Variants in LHFPL4 observed in about 807,000 individuals in gnomAD.
LHFPL4 encodes LHFPL tetraspan subfamily member 4, also known as LHFPL tetraspan subfamily member 4 protein.
In LHFPL4, 6 loss-of-function variants were observed where a neutral mutation model predicts 20.0. The observed-to-expected ratio is 0.30, with a 90% CI of 0.16 to 0.59. The LOEUF (loss-of-function observed/expected upper bound fraction) is 0.59. Among genes scored for constraint, LHFPL4 ranks in the 20% least tolerant of loss-of-function variants. The probability of loss-of-function intolerance (pLI) is 0.88; values close to 1 mark genes in which losing one functional copy is unlikely to be tolerated. For synonymous variants in LHFPL4, 129 were observed against 143.8 expected (o/e 0.90, Z 0.74); for missense variants, 215 against 331.2 (o/e 0.65, Z 2.72).
intron 2 of LHFPL4, among the ~76,000 whole-genome samples, chr3:9,519,670 C>T (rs1054179083): frequency 1.3e-5 from 2 of 150,510 alleles, no homozygotes; most frequent in Non-Finnish European, 1.5e-5. Flanking sequence ...GCAATCCTTC[C>T]ACCTCATCCT....
intron 2 of LHFPL4, among the ~76,000 whole-genome samples, chr3:9,550,156 A>G (rs192301990): frequency 1.9e-4 from 29 of 152,352 alleles, no homozygotes; most frequent in African/African-American, 6.5e-4. Flanking sequence ...AAGTCAGCCA[A>G]GAACCCCCAC....
At chr3:9,519,647 C>T (rs1164396686) in intron 2 of LHFPL4, among the ~76,000 whole-genome samples, 1 of 152,024 alleles carries the variant, frequency 6.6e-6, no homozygotes, top group African/African-American at 2.4e-5. Flanking sequence ...CAGCTTCAGA[C>T]TCCTGGGCTC....
intron 2 of LHFPL4, among the ~76,000 whole-genome samples, chr3:9,516,390 T>G (rs1030775669): frequency 6.6e-6 from 1 of 152,114 alleles, no homozygotes; most frequent in East Asian, 1.9e-4. Context: ...ATCAACTGAC[T>G]GTATTTATGT....
chr3:9,528,719 A>G (rs2633769), intron 2 of LHFPL4, among the ~76,000 whole-genome samples: 29,115 of 151,558 alleles, frequency 0.19, 3,466 homozygotes, highest in East Asian at 0.41. Flanking sequence ...GGGTTCAAGC[A>G]ATTCTCCTGC....
At chr3:9,532,213 G>A (rs1180201926) in intron 2 of LHFPL4, among the ~76,000 whole-genome samples, 1 of 151,976 alleles carries the variant, frequency 6.6e-6, no homozygotes. Flanking sequence ...ATTTTTAATA[G>A]AGACGGGATT....
intron 2 of LHFPL4, among the ~76,000 whole-genome samples, chr3:9,544,552 G>A (rs546191093): frequency 6.6e-6 from 1 of 152,268 alleles, no homozygotes; most frequent in South Asian, 2.1e-4. Context: ...GTGAACCCGG[G>A]AGGCAGAGGT....
chr3:9,515,617 C>A (rs1202860302), intron 2 of LHFPL4, among the ~76,000 whole-genome samples: 1 of 151,954 alleles, frequency 6.6e-6, no homozygotes, highest in Non-Finnish European at 1.5e-5. Flanking sequence ...GGTGATCTGA[C>A]TGCCTCGGCC....
At chr3:9,523,568 G>T (rs1199084276) in intron 2 of LHFPL4, among the ~76,000 whole-genome samples, 8 of 151,340 alleles carry the variant, frequency 5.3e-5, no homozygotes, top group Non-Finnish European at 1.2e-4. Flanking sequence ...CGCCTCCCTG[G>T]CTCAAGCAAT....
rs565977182 is a variant in LHFPL4, at chr3:9,508,304, C to G, written c.407-2101G>C. The stretch of plus-strand genomic sequence containing the variant: ...TCCTCTTCCAGATGCAGGCTCCCCC[C>G]ACAATACTATGATCGAACAGACACT... On this transcript the variant is annotated intron_variant, in intron 2 of 3. Coordinates refer to ENST00000287585, the MANE Select transcript of LHFPL4 (RefSeq NM_198560.3). Among the ~76,000 whole-genome samples the G allele has an allele frequency of 6.1e-4, 93 of 152,262 alleles. 2 individuals carry two copies. In the East Asian group the frequency reaches 0.018, roughly 29 times the overall value.
chr3:9,528,927 T>A (rs1396623988), intron 2 of LHFPL4, among the ~76,000 whole-genome samples: 1 of 151,776 alleles, frequency 6.6e-6, no homozygotes, highest in African/African-American at 2.4e-5. Context: ...CCAACTTTTT[T>A]TTTTTTTTGA....
In LHFPL4 at chr3:9,525,739, A is replaced by T. The variant is rs539443374; in HGVS notation, c.407-19536T>A. Reference sequence around the variant, plus strand: ...TCTGAAAAAAAGCAATCATAATTTTAAAAAAAATCCAACGTGCTTATACGT... The same window carrying T: ...TCTGAAAAAAAGCAATCATAATTTTTAAAAAAATCCAACGTGCTTATACGT... On this transcript the variant is annotated intron_variant, in intron 2 of 3. Transcript: ENST00000287585. 1.3e-4 allele frequency among the ~76,000 whole-genome samples: 20 copies of T among 152,286 alleles called. No individual in the cohort carries two copies. In the East Asian group the frequency reaches 2.5e-3, roughly 19 times the overall value.
At chr3:9,552,062 C>T (rs1574858563) in intron 2 of LHFPL4, among the ~76,000 whole-genome samples, 1 of 152,064 alleles carries the variant, frequency 6.6e-6, no homozygotes, top group South Asian at 2.1e-4. Flanking sequence ...ACAGACCCAC[C>T]CACCCAGTCC....
intron 2 of LHFPL4, among the ~76,000 whole-genome samples, chr3:9,544,444 G>A (rs1187145858): frequency 6.6e-6 from 1 of 151,906 alleles, no homozygotes; most frequent in African/African-American, 2.4e-5. Flanking sequence ...GGCCAACATG[G>A]TGAAACCCCG....
At chr3:9,547,389 C>T (rs1049125608) in intron 2 of LHFPL4, among the ~76,000 whole-genome samples, 1 of 152,168 alleles carries the variant, frequency 6.6e-6, no homozygotes, top group Non-Finnish European at 1.5e-5. Context: ...GGGAGTGTCC[C>T]CCGGCTAACT....
intron 2 of LHFPL4, among the ~76,000 whole-genome samples, chr3:9,512,989 C>A (rs1219009132): frequency 1.3e-5 from 2 of 152,190 alleles, no homozygotes; most frequent in Non-Finnish European, 2.9e-5. Flanking sequence ...GACGGAGTCT[C>A]ACTCAGTCGC....
intron 2 of LHFPL4, among the ~76,000 whole-genome samples, chr3:9,507,933 C>G (rs1198821945): frequency 6.6e-5 from 10 of 152,248 alleles, no homozygotes; most frequent in African/African-American, 2.4e-4. Flanking sequence ...ATTGCCAGTC[C>G]TGCCAACATT....
intron 2 of LHFPL4, among the ~76,000 whole-genome samples, chr3:9,549,461 T>C (rs2648594): frequency 0.54 from 82,274 of 151,994 alleles, 22,725 homozygotes; most frequent in African/African-American, 0.65. Flanking sequence ...TTTGGGAGGC[T>C]GAGGCGGGTG....
At chr3:9,549,910 T>G (rs1240131857) in intron 2 of LHFPL4, among the ~76,000 whole-genome samples, 1 of 152,136 alleles carries the variant, frequency 6.6e-6, no homozygotes, top group Non-Finnish European at 1.5e-5. Context: ...TATGTTATTT[T>G]TTGCAGAGAC....
intron 3 of LHFPL4, among the ~76,000 whole-genome samples, chr3:9,505,068 C>T (rs915453566): frequency 1.4e-4 from 22 of 152,084 alleles, no homozygotes; most frequent in Non-Finnish European, 2.2e-4. Flanking sequence ...TTTATCCGGC[C>T]TCCTGTCCAT....
Sources: allele counts gnomAD v4.1 joint callset (sites outside exome capture counted in the v4.1 genomes callset), GRCh38; gene constraint gnomAD v4.1.1; transcripts MANE v1.5; gene names NCBI Gene and HGNC (gene_info 2026-07-23, HGNC 2026-07-21).